The following KCNIP4 variants were observed in gnomAD, a reference collection of about 807,000 sequenced individuals.
KCNIP4 encodes the protein Kv channel-interacting protein 4.
Under a neutral mutation model 34.0 loss-of-function variants are expected in KCNIP4, and 12 were observed. The ratio of observed to expected loss-of-function variants is 0.35; its 90% CI spans 0.23 to 0.57. The LOEUF is 0.57. Among genes scored for constraint, KCNIP4 ranks in the 20% least tolerant of loss-of-function variants. The pLI is 0.83. For synonymous variants in KCNIP4, 124 were observed against 102.2 expected (o/e 1.21, Z -1.29); for missense variants, 238 against 311.7 (o/e 0.76, Z 1.78).
At chr4:20,748,486 C>G (rs1752845221) in intron 5 of KCNIP4, among the ~76,000 whole-genome samples, 1 of 149,398 alleles carries the variant, frequency 6.7e-6, no homozygotes, top group African/African-American at 2.5e-5. Flanking sequence ...TTTATCAGAG[C>G]TCTCATCAAA....
chr4:20,846,590 C>T (rs1328524048), intron 3 of KCNIP4, among the ~76,000 whole-genome samples: 1 of 152,066 alleles, frequency 6.6e-6, no homozygotes, highest in Non-Finnish European at 1.5e-5. Context: ...AATTCCTAAA[C>T]ATCATCCCAG....
chr4:20,738,036 A>T (rs545659270), intron 5 of KCNIP4, among the ~76,000 whole-genome samples: 201 of 152,002 alleles, frequency 1.3e-3, no homozygotes, highest in Non-Finnish European at 2.6e-3. Flanking sequence ...GGAGGCTGAG[A>T]TGGGAATCAC....
intron 1 of KCNIP4, chr4:20,983,802 C>G: frequency 6.5e-7 from 1 of 1,535,294 alleles, no homozygotes; most frequent in Non-Finnish European, 8.7e-7. Flanking sequence ...CAGACTGGAG[C>G]GACCACTTTA....
chr4:21,073,215 G>A (rs544848111), intron 1 of KCNIP4, among the ~76,000 whole-genome samples: 2,580 of 152,158 alleles, frequency 0.017, 89 homozygotes, highest in African/African-American at 0.059. Flanking sequence ...GGATGGCATT[G>A]AATCTATAAA....
At chr4:21,738,135 A>ATAAT (rs1716134865) in intron 1 of KCNIP4, among the ~76,000 whole-genome samples, 1 of 98,528 alleles carries the variant, frequency 1.0e-5, no homozygotes, top group Admixed American at 8.9e-5. Context: ...AAATAAATAA[A>ATAAT]TAATAAATAA....
At chr4:20,903,938 A>G (rs970849903) in intron 1 of KCNIP4, among the ~76,000 whole-genome samples, 7 of 152,154 alleles carry the variant, frequency 4.6e-5, no homozygotes, top group African/African-American at 1.7e-4. Flanking sequence ...CTATTAGATT[A>G]TCAATTTTAG....
intron 1 of KCNIP4, among the ~76,000 whole-genome samples, chr4:21,399,659 CT>C (rs11317039): frequency 0.92 from 128,977 of 140,920 alleles, 58,961 homozygotes; most frequent in Non-Finnish European, 0.93. Flanking sequence ...CAGTGAATAA[CT>C]TTTTTTTTTT....
At chr4:21,766,155 A>C (rs1236787045) in intron 1 of KCNIP4, among the ~76,000 whole-genome samples, 1 of 152,194 alleles carries the variant, frequency 6.6e-6, no homozygotes, top group Non-Finnish European at 1.5e-5. Context: ...CTAACGGAGC[A>C]GGTGGTGGCC....
At chr4:20,965,275 T>A (rs1377748083) in intron 1 of KCNIP4, among the ~76,000 whole-genome samples, 1 of 152,198 alleles carries the variant, frequency 6.6e-6, no homozygotes, top group Non-Finnish European at 1.5e-5. Flanking sequence ...GAGCCTATAT[T>A]GCTTTTGATA....
At chr4:21,525,649 A>G (rs1476100134) in intron 1 of KCNIP4, among the ~76,000 whole-genome samples, 1 of 152,166 alleles carries the variant, frequency 6.6e-6, no homozygotes, top group Non-Finnish European at 1.5e-5. Flanking sequence ...TGTTATCACT[A>G]GGGTAATAAT....
intron 1 of KCNIP4, among the ~76,000 whole-genome samples, chr4:20,938,050 G>C (rs958787371): frequency 6.6e-6 from 1 of 152,144 alleles, no homozygotes; most frequent in Non-Finnish European, 1.5e-5. Flanking sequence ...AAACAGCCAA[G>C]CAAACATGAA....
At position 21,493,448 on chromosome 4, in the gene KCNIP4, A is replaced by G. The variant is rs1416582100; in HGVS notation, c.61+455123T>C. On this transcript the variant is annotated intron_variant, in intron 1 of 8. Coordinates refer to ENST00000382152, the MANE Select transcript of KCNIP4 (RefSeq NM_025221.6). ...CACAAGAAGCTCTAGACAGACATCC[A>G]TCTTCGGAATTCTCTAGAAAAAAAG... 4.0e-5 allele frequency among the ~76,000 whole-genome samples: 6 copies of G among 150,848 alleles called. No homozygotes were observed. In the South Asian group the frequency reaches 8.4e-4, roughly 21 times the overall value.
chr4:21,059,157 G>T (rs73245225), intron 1 of KCNIP4, among the ~76,000 whole-genome samples: 2 of 152,102 alleles, frequency 1.3e-5, no homozygotes, highest in South Asian at 4.1e-4. Flanking sequence ...CTAGTTTTGG[G>T]TATGTTATTA....
At chr4:21,332,779 C>T (rs1715788876) in intron 1 of KCNIP4, among the ~76,000 whole-genome samples, 1 of 152,030 alleles carries the variant, frequency 6.6e-6, no homozygotes. Context: ...TCTGATCCTG[C>T]TGTTTCCAAT....
At chr4:21,775,868 A>T (rs1163329788) in intron 1 of KCNIP4, among the ~76,000 whole-genome samples, 1 of 152,104 alleles carries the variant, frequency 6.6e-6, no homozygotes, top group Non-Finnish European at 1.5e-5. Context: ...CTGACCAGGG[A>T]GCTTAGCATT....
intron 1 of KCNIP4, among the ~76,000 whole-genome samples, chr4:21,278,675 A>C (rs2109158571): frequency 6.6e-6 from 1 of 152,342 alleles, no homozygotes; most frequent in South Asian, 2.1e-4. Context: ...GAGAGTTCTA[A>C]GTGAGCCTGA....
intron 3 of KCNIP4, among the ~76,000 whole-genome samples, chr4:20,847,102 T>C (rs1225434940): frequency 2.0e-5 from 3 of 152,192 alleles, no homozygotes; most frequent in South Asian, 2.1e-4. Context: ...CCCACTTTGA[T>C]GGAACATACA....
At chr4:21,908,538 T>C (rs10030447) in intron 1 of KCNIP4, among the ~76,000 whole-genome samples, 15,010 of 152,100 alleles carry the variant, frequency 0.099, 806 homozygotes, top group Non-Finnish European at 0.12. Context: ...TAGAGTGAAG[T>C]TTGTGGAAAA....
At position 20,729,422 on chromosome 4, in the gene KCNIP4, G is replaced by GC. The variant is rs1486467853; in HGVS notation, c.*659dup. ...TGTAACATATTATGGAAAATTAAAT[G>GC]CTTATTAAAATAAGTTTTATTAGGC... On this transcript the variant is annotated 3_prime_UTR_variant, in exon 9 of 9. Coordinates refer to ENST00000382152, the MANE Select transcript of KCNIP4 (RefSeq NM_025221.6). 6 of 151,854 alleles carry GC rather than the reference G, an allele frequency of 4.0e-5. No individual in the cohort carries two copies. Among genetic ancestry groups the GC allele is most frequent in the African/African-American group, 9.7e-5 (4 of 41,230 alleles). 9.4% of individuals were successfully genotyped at this position (151,854 alleles called of 1,614,324 possible). A position where few individuals can be genotyped will look rare whatever the true frequency, so the allele number is the denominator to read the frequency against.
Sources: allele counts gnomAD v4.1 joint callset (sites outside exome capture counted in the v4.1 genomes callset), GRCh38; gene constraint gnomAD v4.1.1; transcripts MANE v1.5; gene names NCBI Gene and HGNC (gene_info 2026-07-23, HGNC 2026-07-21).